Variants in TENM2 observed in about 807,000 individuals in gnomAD.
The protein encoded by TENM2 is teneurin transmembrane protein 2, also known as teneurin-2.
Under a neutral mutation model 245.2 loss-of-function variants are expected in TENM2, and 52 were observed. The observed-to-expected ratio is 0.21, with a 90% CI of 0.17 to 0.27. TENM2 has a LOEUF of 0.27. Ranked by LOEUF, TENM2 falls within the 10% of genes least tolerant of loss-of-function variation. The probability of loss-of-function intolerance (pLI) is 1.00; values close to 1 mark genes in which losing one functional copy is unlikely to be tolerated. For missense variants in TENM2, 3,046 were observed against 3,666.8 expected (o/e 0.83, Z 4.37); for synonymous variants, 1,363 against 1,438.9 (o/e 0.95, Z 1.19).
At chr5:167,651,761 C>T (rs530262167) in intron 2 of TENM2, among the ~76,000 whole-genome samples, 73 of 152,162 alleles carry the variant, frequency 4.8e-4, no homozygotes, top group African/African-American at 1.6e-3. Context: ...ATTATCTAAT[C>T]TCTTTGGTCC....
Position 167,948,977 on chromosome 5 carries a change from C to G in TENM2, c.713-3611C>G, listed in dbSNP as rs148759401. The G allele has an allele frequency of 2.6e-5, 4 of 152,230 alleles. No individual in the cohort carries two copies. The East Asian group carries it at 5.8e-4, about 22-fold the overall frequency. 9.4% of individuals were successfully genotyped at this position (152,230 alleles called of 1,614,324 possible). A position where few individuals can be genotyped will look rare whatever the true frequency, so the allele number is the denominator to read the frequency against. ...TTGTTTGCATTTTTGAAACAGAAAA[C>G]CTTCCCACCCAGCAAGTGTGTTGGA... On this transcript the variant is annotated intron_variant, in intron 3 of 28. Coordinates refer to ENST00000518659, the Ensembl canonical transcript of TENM2.
chr5:167,198,943 C>T, the TENM2 span, among the ~76,000 whole-genome samples: 2 of 151,884 alleles, frequency 1.3e-5, no homozygotes, highest in African/African-American at 4.8e-5. Flanking sequence ...TGCTTGGTCT[C>T]ATGGTTAATC....
At chr5:167,365,650 TAGAA>T (rs1023943882) in intron 1 of TENM2, among the ~76,000 whole-genome samples, 18 of 151,964 alleles carry the variant, frequency 1.2e-4, no homozygotes, top group African/African-American at 4.3e-4. Flanking sequence ...CAATTAATAT[TAGAA>T]AGCATATATT....
At chr5:167,590,080 T>G (rs1018064018) in intron 2 of TENM2, among the ~76,000 whole-genome samples, 6 of 149,240 alleles carry the variant, frequency 4.0e-5, no homozygotes, top group Admixed American at 1.4e-4. Flanking sequence ...CTTGATTTAC[T>G]TACCACTGAA....
chr5:167,707,013 TAAA>T (rs34373602), intron 2 of TENM2, among the ~76,000 whole-genome samples: 6 of 70,082 alleles, frequency 8.6e-5, no homozygotes, highest in East Asian at 4.5e-4. Flanking sequence ...AGACTCCGCC[TAAA>T]AAAAAAAAAA....
intron 2 of TENM2, among the ~76,000 whole-genome samples, chr5:167,738,774 C>T (rs996238685): frequency 6.6e-6 from 1 of 152,112 alleles, no homozygotes; most frequent in Non-Finnish European, 1.5e-5. Context: ...CATGGTCTTT[C>T]TGTGTGCACC....
intron 2 of TENM2, among the ~76,000 whole-genome samples, chr5:167,532,112 C>G (rs1275992905): frequency 6.6e-6 from 1 of 152,070 alleles, no homozygotes; most frequent in Non-Finnish European, 1.5e-5. Context: ...AATACCCTCC[C>G]CATTTTCAGG....
At chr5:167,924,007 GTGTT>G (rs1249057661) in intron 3 of TENM2, among the ~76,000 whole-genome samples, 2 of 152,212 alleles carry the variant, frequency 1.3e-5, no homozygotes, top group African/African-American at 2.4e-5. Context: ...GCATGCTTTT[GTGTT>G]TATATGTGTG....
intron 2 of TENM2, among the ~76,000 whole-genome samples, chr5:167,585,999 C>T (rs1309414141): frequency 1.3e-5 from 2 of 152,104 alleles, no homozygotes; most frequent in Admixed American, 1.3e-4. Context: ...GTGACATACA[C>T]CTGTAGTCCC....
At chr5:167,439,882 G>T (rs917994704) in intron 2 of TENM2, among the ~76,000 whole-genome samples, 26 of 151,972 alleles carry the variant, frequency 1.7e-4, no homozygotes, top group Non-Finnish European at 2.1e-4. Context: ...CACTACCGTG[G>T]CCACATTTTA....
At chr5:167,280,992 A>C (rs2127701850), upstream of TENM2, among the ~76,000 whole-genome samples, 1 of 152,232 alleles carries the variant, frequency 6.6e-6, no homozygotes, top group East Asian at 1.9e-4. Flanking sequence ...AAAATAGGGA[A>C]AAGTATGTCT....
chr5:167,985,029 A>G (rs1304876506), intron 4 of TENM2, among the ~76,000 whole-genome samples: 1 of 152,172 alleles, frequency 6.6e-6, no homozygotes, highest in Non-Finnish European at 1.5e-5. Context: ...CTGAAAACCT[A>G]ATTACAGTAA....
At chr5:167,226,829 C>A in the TENM2 span, among the ~76,000 whole-genome samples, 1 of 151,830 alleles carries the variant, frequency 6.6e-6, no homozygotes, top group African/African-American at 2.4e-5. Context: ...TTCTTTAGAT[C>A]TAGTGACATT....
chr5:167,527,122 A>G (rs1025035256), intron 2 of TENM2, among the ~76,000 whole-genome samples: 5 of 152,090 alleles, frequency 3.3e-5, no homozygotes, highest in Non-Finnish European at 5.9e-5. Flanking sequence ...ATGGAGGGAG[A>G]TAATTCTTAC....
chr5:167,837,095 CACAG>C lies in TENM2; in HGVS notation c.503-38889_503-38886del, dbSNP rs1354881440. 1.1e-3 allele frequency among the ~76,000 whole-genome samples: 152 copies of C among 133,476 alleles called. 2 individuals carry two copies. The highest frequency in any genetic ancestry group is 5.1e-3 in the Admixed American group (69 of 13,656). 87.6% of individuals were successfully genotyped at this position (133,476 alleles called of 152,430 possible). A position where few individuals can be genotyped will look rare whatever the true frequency, so the allele number is the denominator to read the frequency against. On this transcript the variant is annotated intron_variant, in intron 2 of 28. Coordinates refer to ENST00000518659, the Ensembl canonical transcript of TENM2. ...ACACACACACACACACACACACACA[CACAG>C]AGATATATCTGGATAGTGTTTTATA...
At position 168,240,046 on chromosome 5, in the gene TENM2, C is replaced by T. The variant is rs536854342; in HGVS notation, c.5521-4374C>T. On this transcript the variant is annotated intron_variant, in intron 25 of 28. Transcript: ENST00000518659. ...GAGCCTGACCAACATGGCGAAACCC[C>T]GTCTCTACTAAAAAAATGTAAAAAT... is the stretch of plus-strand genomic sequence containing the variant. Among the ~76,000 whole-genome samples, 232 of 152,204 alleles carry T rather than the reference C, an allele frequency of 1.5e-3. 3 individuals are homozygous for T. Among genetic ancestry groups the T allele is most frequent in the Non-Finnish European group, 3.0e-3 (201 of 67,998 alleles).
chr5:168,238,268 A>AGAAAAGAAAAG lies in TENM2; in HGVS notation c.5521-6151_5521-6141dup, dbSNP rs1765767340. Among the ~76,000 whole-genome samples, 9 of 120,882 alleles carry AGAAAAGAAAAG rather than the reference A, an allele frequency of 7.4e-5. 1 individual carries two copies. Among genetic ancestry groups the AGAAAAGAAAAG allele is most frequent in the African/African-American group, 3.2e-4 (9 of 27,832 alleles). 79.3% of individuals were successfully genotyped at this position (120,882 alleles called of 152,430 possible). Reference sequence around the variant, plus strand: ...AGAAAAGAAAAGAAAAGAAAAGAAAAGAAAAGAAAAGAAAAGAAAAGAAAA... The same window carrying AGAAAAGAAAAG: ...AGAAAAGAAAAGAAAAGAAAAGAAAAGAAAAGAAAAGGAAAAGAAAAGAAAAGAAAAGAAAA... On this transcript the variant is annotated intron_variant, in intron 25 of 28. Coordinates refer to ENST00000518659, the Ensembl canonical transcript of TENM2.
chr5:167,983,810 C>T (rs1250279422), intron 4 of TENM2, among the ~76,000 whole-genome samples: 2 of 152,154 alleles, frequency 1.3e-5, no homozygotes, highest in Non-Finnish European at 2.9e-5. Flanking sequence ...CCTTCTCTTC[C>T]TAGGGGACAG....
intron 2 of TENM2, among the ~76,000 whole-genome samples, chr5:167,405,809 G>A (rs901155095): frequency 9.3e-5 from 11 of 118,126 alleles, no homozygotes; most frequent in African/African-American, 3.3e-4. Flanking sequence ...CGCACACAGA[G>A]ATGCCAACCA....
Sources: allele counts gnomAD v4.1 joint callset (sites outside exome capture counted in the v4.1 genomes callset), GRCh38; gene constraint gnomAD v4.1.1; transcripts MANE v1.5; gene names NCBI Gene and HGNC (gene_info 2026-07-23, HGNC 2026-07-21).